Variants in CCDC179 observed in about 807,000 individuals in gnomAD.
CCDC179 encodes the protein coiled-coil domain containing 179.
In CCDC179, 17 loss-of-function variants were observed where a neutral mutation model predicts 12.0. The ratio of observed to expected loss-of-function variants is 1.42; its 90% CI spans 0.97 to 2.13. The LOEUF is 2.13. Among genes scored for constraint, CCDC179 ranks in the 30% most tolerant of loss-of-function variants. The pLI, the probability that CCDC179 is intolerant of heterozygous loss-of-function variation, is 0.00. For synonymous variants in CCDC179, 27 were observed against 26.4 expected (o/e 1.02, Z -0.07); for missense variants, 83 against 78.6 (o/e 1.06, Z -0.21).
chr11:22,849,350 A>C lies in CCDC179; in HGVS notation c.196-1829T>G, dbSNP rs1265179042. On this transcript the variant is annotated intron_variant, in intron 3 of 3. Transcript: ENST00000532798. ...GAATGAACTTAGGATTTTCATATTT[A>C]ATATATCTTATTTTGCATATTCTTA... Among the ~76,000 whole-genome samples the C allele has an allele frequency of 2.0e-5, 3 of 152,200 alleles. No individual in the cohort carries two copies. In the East Asian group the frequency reaches 5.8e-4, roughly 29 times the overall value.
intron 3 of CCDC179, among the ~76,000 whole-genome samples, chr11:22,847,832 T>C (rs12281993): frequency 0.52 from 79,470 of 151,816 alleles, 21,149 homozygotes; most frequent in Middle Eastern, 0.7. Context: ...GTAGAAACCC[T>C]GGATATCAGT....
chr11:22,848,893 T>C (rs1001677050), intron 3 of CCDC179, among the ~76,000 whole-genome samples: 1 of 152,214 alleles, frequency 6.6e-6, no homozygotes, highest in Non-Finnish European at 1.5e-5. Flanking sequence ...AACAGTTTGA[T>C]ACTGTGATGA....
At chr11:22,848,312 C>T (rs1332633480) in intron 3 of CCDC179, among the ~76,000 whole-genome samples, 1 of 152,028 alleles carries the variant, frequency 6.6e-6, no homozygotes, top group Non-Finnish European at 1.5e-5. Context: ...GGCGTGGTGG[C>T]ACATGCCTGT....
intron 3 of CCDC179, among the ~76,000 whole-genome samples, chr11:22,851,466 C>T (rs1858402841): frequency 6.6e-6 from 1 of 152,168 alleles, no homozygotes; most frequent in South Asian, 2.1e-4. Flanking sequence ...TAATTTTTCA[C>T]ATCTCTAAAT....
rs145544534 is a variant in CCDC179 at position 22,847,253 on chromosome 11, T to C, written c.*257A>G. On this transcript the variant is annotated 3_prime_UTR_variant, in exon 4 of 4. Transcript: ENST00000532798. ...TTTTTCAAAAGTCTACCTATACATA[T>C]TCATTATTATTTGTTGAAAAGCAGC... The C allele has an allele frequency of 3.0e-4, 96 of 317,772 alleles. No homozygotes were observed. In the East Asian group the frequency reaches 4.5e-3, roughly 15 times the overall value. The allele number at this position is 317,772 out of a possible 1,614,324, so 19.7% of individuals were successfully genotyped here.
At chr11:22,849,889 C>T (rs1858330377) in intron 3 of CCDC179, among the ~76,000 whole-genome samples, 1 of 152,092 alleles carries the variant, frequency 6.6e-6, no homozygotes, top group African/African-American at 2.4e-5. Context: ...TGGAAAACAG[C>T]TCTCTCTCTA....
chr11:22,859,207 A>T (rs1334969518), intron 2 of CCDC179, among the ~76,000 whole-genome samples: 2 of 152,168 alleles, frequency 1.3e-5, no homozygotes, highest in African/African-American at 4.8e-5. Context: ...TAATTTATAA[A>T]TTATATCTGC....
intron 2 of CCDC179, among the ~76,000 whole-genome samples, chr11:22,858,600 T>G (rs1294368187): frequency 6.6e-6 from 1 of 152,036 alleles, no homozygotes; most frequent in Non-Finnish European, 1.5e-5. Flanking sequence ...AAAACCAACT[T>G]TTTAAAAAAT....
intron 3 of CCDC179, among the ~76,000 whole-genome samples, chr11:22,857,405 A>G (rs1858552928): frequency 6.6e-6 from 1 of 151,752 alleles, no homozygotes; most frequent in African/African-American, 2.4e-5. Context: ...AGGCAATACA[A>G]TAGAGAAAAG....
At chr11:22,860,009 C>T (rs933705858) in intron 1 of CCDC179, among the ~76,000 whole-genome samples, 2 of 152,198 alleles carry the variant, frequency 1.3e-5, no homozygotes, top group African/African-American at 4.8e-5. Flanking sequence ...TCCTCCTTCA[C>T]TCGTTTTGAT....
intron 3 of CCDC179, among the ~76,000 whole-genome samples, chr11:22,849,261 A>G (rs1358231272): frequency 6.6e-6 from 1 of 152,214 alleles, no homozygotes; most frequent in African/African-American, 2.4e-5. Flanking sequence ...AGTAAAAAGT[A>G]TCTGGATGTT....
chr11:22,856,001 G>T (rs972900175), intron 3 of CCDC179, among the ~76,000 whole-genome samples: 11 of 150,990 alleles, frequency 7.3e-5, no homozygotes, highest in Non-Finnish European at 1.2e-4. Context: ...TCTAAATAAG[G>T]TTATTATCTA....
chr11:22,847,311 T>C lies in CCDC179; in HGVS notation c.*199A>G, dbSNP rs535402924. 2 of 373,150 alleles carry C rather than the reference T, an allele frequency of 5.4e-6. No individual in the cohort carries two copies. Among genetic ancestry groups the C allele is most frequent in the African/African-American group, 4.2e-5 (2 of 48,038 alleles). 23.1% of individuals were successfully genotyped at this position (373,150 alleles called of 1,614,324 possible). ...AAGTTTACCACAGGAAAGAAAAATA[T>C]GGTAGTGAGAGATGGCATTTAATAA... On this transcript the variant is annotated 3_prime_UTR_variant, in exon 4 of 4. Coordinates refer to ENST00000532798, the MANE Select transcript of CCDC179 (RefSeq NM_001195637.2).
At position 22,857,963 on chromosome 11, in the gene CCDC179, T is replaced by C; in HGVS notation, c.154A>G (p.Arg52Gly). 1 of 1,528,996 alleles carries C rather than the reference T, an allele frequency of 6.5e-7. No homozygotes were observed. Among genetic ancestry groups the C allele is most frequent in the Non-Finnish European group, 8.7e-7 (1 of 1,143,472 alleles). The allele number at this position is 1,528,996 out of a possible 1,614,324, so 94.7% of individuals were successfully genotyped here. ...GGAATAGGAGAAGGCCTTGAAAACC[T>C]TTTATTCAGTCTCCTCTTCTCTTTC... ...LKKEKRRLNK[R>G]FSRPSPIPEP... Residue 52 changes from arginine to glycine, a missense_variant, in exon 3 of 4, where the codon AGG becomes GGG. Arg to Gly is a moderately radical substitution (Grantham distance 125, BLOSUM62 -2). Transcript: ENST00000532798.
chr11:22,848,642 T>C (rs143658559), intron 3 of CCDC179, among the ~76,000 whole-genome samples: 4 of 152,316 alleles, frequency 2.6e-5, no homozygotes, highest in East Asian at 1.9e-4. Context: ...AAAACTGTTA[T>C]TGCATTTTTT....
intron 3 of CCDC179, among the ~76,000 whole-genome samples, chr11:22,854,177 G>C (rs1858483752): frequency 6.6e-6 from 1 of 151,742 alleles, no homozygotes. Context: ...GTTACTAGTA[G>C]GCTTGCCCAC....
intron 3 of CCDC179, among the ~76,000 whole-genome samples, chr11:22,856,204 A>C (rs2134846137): frequency 6.6e-6 from 1 of 151,656 alleles, no homozygotes; most frequent in South Asian, 2.1e-4. Flanking sequence ...AAACCAGAAA[A>C]AGATATTAAA....
At position 22,847,108 on chromosome 11, in the gene CCDC179, T is replaced by C. The variant is rs1182081462; in HGVS notation, c.*402A>G. The C allele has an allele frequency of 6.5e-6, 1 of 154,860 alleles. No homozygotes were observed. The highest frequency in any genetic ancestry group is 1.4e-5 in the Non-Finnish European group (1 of 69,986). The allele number at this position is 154,860 out of a possible 1,614,324, so 9.6% of individuals were successfully genotyped here. ...CTGTTTAAAGTATTTAAACATTTTG[T>C]TTAAATGGAAGTCATTATAAATATA... On this transcript the variant is annotated 3_prime_UTR_variant, in exon 4 of 4. Coordinates refer to ENST00000532798, the MANE Select transcript of CCDC179 (RefSeq NM_001195637.2).
chr11:22,847,229 T>A lies in CCDC179; in HGVS notation c.*281A>T, dbSNP rs1858242896. ...GCAAAAATTTAAATGAGAATAATAT[T>A]TTTCAAAAGTCTACCTATACATATT... On this transcript the variant is annotated 3_prime_UTR_variant, in exon 4 of 4. Coordinates refer to ENST00000532798, the MANE Select transcript of CCDC179 (RefSeq NM_001195637.2). 3.8e-6 allele frequency: 1 copy of A among 264,360 alleles called. No individual in the cohort carries two copies. The highest frequency in any genetic ancestry group is 7.0e-6 in the Non-Finnish European group (1 of 142,940). 16.4% of individuals were successfully genotyped at this position (264,360 alleles called of 1,614,324 possible).
Sources: gnomAD v4.1 joint callset for allele counts (sites outside exome capture counted in the v4.1 genomes callset) on GRCh38, gnomAD v4.1.1 for gene constraint, MANE v1.5 for transcripts, NCBI Gene and HGNC (gene_info 2026-07-23, HGNC 2026-07-21) for gene names.